DCC: variants seen among roughly 807,000 people sequenced by gnomAD.
DCC encodes netrin receptor DCC.
Under a neutral mutation model 172.5 loss-of-function variants are expected in DCC, and 58 were observed. The ratio of observed to expected loss-of-function variants is 0.34; its 90% CI spans 0.27 to 0.42. The LOEUF is 0.42. DCC is among the 10% of genes least tolerant of loss of function. The pLI is 1.00. For synonymous variants in DCC, 709 were observed against 644.5 expected, an observed-to-expected ratio of 1.10 and a Z score of -1.52; for missense variants, 1,740 against 1,791.0, an observed-to-expected ratio of 0.97 and a Z score of 0.51.
intron 9 of DCC, among the ~76,000 whole-genome samples, chr18:53,184,077 C>T (rs532100393): frequency 4.9e-4 from 74 of 150,482 alleles, no homozygotes; most frequent in African/African-American, 1.7e-3. Context: ...TCTACATTTA[C>T]AAACAAAGTG....
At chr18:53,226,948 A>ATTTT (rs397976119) in intron 12 of DCC, among the ~76,000 whole-genome samples, 1 of 52,950 alleles carries the variant, frequency 1.9e-5, no homozygotes. Flanking sequence ...ATATATATAT[A>ATTTT]TTTTTTTTTT....
At chr18:52,735,011 A>G (rs2145100971) in intron 1 of DCC, among the ~76,000 whole-genome samples, 1 of 152,276 alleles carries the variant, frequency 6.6e-6, no homozygotes, top group East Asian at 1.9e-4. Context: ...TATATGTAAT[A>G]AATCCAGGCT....
chr18:52,558,879 C>T (rs1039727476), intron 1 of DCC, among the ~76,000 whole-genome samples: 58 of 152,082 alleles, frequency 3.8e-4, no homozygotes, highest in African/African-American at 1.4e-3. Context: ...AATTTTAGAG[C>T]CAAAGGAAGC....
intron 12 of DCC, among the ~76,000 whole-genome samples, chr18:53,217,774 T>A (rs1034993037): frequency 6.6e-6 from 1 of 152,158 alleles, no homozygotes; most frequent in Non-Finnish European, 1.5e-5. Flanking sequence ...CAAACTGTAT[T>A]TAAAAAGAAA....
rs567690224 is a variant in DCC, at chr18:53,089,269, A to G, written c.1261+23103A>G. Among the ~76,000 whole-genome samples the G allele has an allele frequency of 4.6e-5, 7 of 152,164 alleles. No homozygotes were observed. In the South Asian group the frequency reaches 8.3e-4, roughly 18 times the overall value. On this transcript the variant is annotated intron_variant, in intron 7 of 28. Coordinates refer to ENST00000442544, the MANE Select transcript of DCC (RefSeq NM_005215.4). ...CCCGGCTAATTTTTGTAATTTTAGT[A>G]GAGACAGGGTTTCACCTTGTTGGCC...
chr18:53,152,428 G>A (rs1220472223), intron 7 of DCC, among the ~76,000 whole-genome samples: 1 of 152,012 alleles, frequency 6.6e-6, no homozygotes, highest in African/African-American at 2.4e-5. Flanking sequence ...TAATCCAATA[G>A]CATCATTGTT....
chr18:53,430,172 T>G (rs972723932), intron 21 of DCC, among the ~76,000 whole-genome samples: 2 of 152,132 alleles, frequency 1.3e-5, no homozygotes, highest in African/African-American at 4.8e-5. Context: ...ATTAGAATTA[T>G]TTTCAGAGAA....
chr18:52,492,722 G>T (rs755458170), intron 1 of DCC, among the ~76,000 whole-genome samples: 13 of 152,100 alleles, frequency 8.5e-5, no homozygotes, highest in Non-Finnish European at 1.9e-4. Context: ...TTGCCCCGCA[G>T]TGTGTGTGAT....
In DCC at chr18:52,493,877, T is replaced by C. The variant is rs369880620; in HGVS notation, c.91+152999T>C. Among the ~76,000 whole-genome samples the C allele has an allele frequency of 1.6e-4, 24 of 151,996 alleles. No individual in the cohort carries two copies. The East Asian group carries it at 2.7e-3, about 17-fold the overall frequency. On this transcript the variant is annotated intron_variant, in intron 1 of 28. Transcript: ENST00000442544. ...GTGTTATGTACTTTAATTCTAAATATACTTTAAAGGCCATAAAACACTAAT... is the reference window on the plus strand; with the variant it reads ...GTGTTATGTACTTTAATTCTAAATACACTTTAAAGGCCATAAAACACTAAT...
intron 5 of DCC, among the ~76,000 whole-genome samples, chr18:52,995,883 C>CT (rs1351605336): frequency 6.6e-6 from 1 of 151,598 alleles, no homozygotes; most frequent in Admixed American, 6.6e-5. Flanking sequence ...CACTCCCCAG[C>CT]TTTTTGTTTC....
At chr18:52,648,950 C>T (rs954869123) in intron 1 of DCC, among the ~76,000 whole-genome samples, 4 of 152,128 alleles carry the variant, frequency 2.6e-5, no homozygotes, top group African/African-American at 7.2e-5. Flanking sequence ...TGTATCTTTG[C>T]TAAGGGTTTC....
chr18:52,383,793 C>T (rs1197684648), intron 1 of DCC, among the ~76,000 whole-genome samples: 2 of 151,968 alleles, frequency 1.3e-5, no homozygotes, highest in African/African-American at 4.8e-5. Context: ...AACAACATTT[C>T]AAAACCTCAT....
At chr18:52,893,679 C>T (rs1351688449) in intron 2 of DCC, among the ~76,000 whole-genome samples, 3 of 152,094 alleles carry the variant, frequency 2.0e-5, no homozygotes, top group East Asian at 1.9e-4. Context: ...TGAACAGTAA[C>T]AGGACTTAAC....
intron 2 of DCC, among the ~76,000 whole-genome samples, chr18:52,778,802 T>G (rs2037479896): frequency 6.6e-6 from 1 of 152,236 alleles, no homozygotes; most frequent in Non-Finnish European, 1.5e-5. Context: ...GTTTTGTCAC[T>G]TTATTTTCCA....
chr18:52,721,048 A>G (rs530840275), intron 1 of DCC, among the ~76,000 whole-genome samples: 2 of 152,216 alleles, frequency 1.3e-5, no homozygotes, highest in African/African-American at 4.8e-5. Flanking sequence ...ATCCCCTTAA[A>G]AAGATGTGCA....
chr18:53,272,271 A>G (rs369521820), intron 12 of DCC, among the ~76,000 whole-genome samples: 24 of 152,270 alleles, frequency 1.6e-4, no homozygotes, highest in African/African-American at 5.3e-4. Context: ...TACCTAGCCT[A>G]TTTTCCACAT....
intron 5 of DCC, among the ~76,000 whole-genome samples, chr18:53,002,176 C>A (rs901161699): frequency 9.9e-5 from 15 of 151,982 alleles, no homozygotes; most frequent in African/African-American, 1.9e-4. Context: ...TGTGCTTAAG[C>A]CTTTTGCATT....
Position 53,409,953 on chromosome 18 carries a change from G to A in DCC, c.2936-499G>A, listed in dbSNP as rs539398506. ...CCGTCTGTGAAAGGAAAGCAACACC[G>A]CCCCTGGCAACCTCACTAAGTTGTT... On this transcript the variant is annotated intron_variant, in intron 19 of 28. Transcript: ENST00000442544. 3.2e-4 allele frequency among the ~76,000 whole-genome samples: 48 copies of A among 152,214 alleles called. No homozygotes were observed. In the Middle Eastern group the frequency reaches 0.01, roughly 32 times the overall value.
chr18:52,949,923 A>C (rs1414761667), intron 5 of DCC, among the ~76,000 whole-genome samples: 3 of 152,184 alleles, frequency 2.0e-5, no homozygotes, highest in Non-Finnish European at 4.4e-5. Context: ...AGAATGTAGA[A>C]GGCTAAAGCC....
Sources: gnomAD v4.1 joint callset for allele counts (sites outside exome capture counted in the v4.1 genomes callset) on GRCh38, gnomAD v4.1.1 for gene constraint, MANE v1.5 for transcripts, NCBI Gene and HGNC (gene_info 2026-07-23, HGNC 2026-07-21) for gene names.